Variants in TMEM255B observed in about 807,000 individuals in gnomAD.
TMEM255B encodes transmembrane protein 255B.
TMEM255B carries 35 observed loss-of-function variants against 34.5 expected under a neutral mutation model. That is an observed-to-expected ratio of 1.01 (90% CI 0.77 to 1.34). The LOEUF (loss-of-function observed/expected upper bound fraction) is 1.34, where lower values mean the gene tolerates loss of function less well. TMEM255B is among the 40% of genes most tolerant of loss of function. The probability of loss-of-function intolerance (pLI) is 0.00; values close to 1 mark genes in which losing one functional copy is unlikely to be tolerated. For synonymous variants in TMEM255B, 206 were observed against 201.2 expected (o/e 1.02, Z -0.20); for missense variants, 432 against 433.2 (o/e 1.00, Z 0.02).
At chr13:113,779,969 C>T (rs946463036) in intron 3 of TMEM255B, among the ~76,000 whole-genome samples, 1 of 152,172 alleles carries the variant, frequency 6.6e-6, no homozygotes, top group African/African-American at 2.4e-5. Flanking sequence ...GTATACAGTG[C>T]AGCAAGAATA....
At chr13:113,807,338 G>A (rs1162811512) in intron 8 of TMEM255B, among the ~76,000 whole-genome samples, 1 of 148,294 alleles carries the variant, frequency 6.7e-6, no homozygotes, top group Non-Finnish European at 1.5e-5. Flanking sequence ...TACGGGATGT[G>A]GGGGGCGGTC....
intron 2 of TMEM255B, 62 bp downstream of exon 2, chr13:113,766,319 G>A (rs753651524): frequency 3.1e-6 from 5 of 1,607,896 alleles, no homozygotes; most frequent in East Asian, 4.5e-5. Flanking sequence ...GCTCTCTCAG[G>A]GTGGAGTCCA....
At chr13:113,789,060 AC>A in intron 3 of TMEM255B, among the ~76,000 whole-genome samples, 1 of 150,034 alleles carries the variant, frequency 6.7e-6, no homozygotes, top group Non-Finnish European at 1.5e-5. Context: ...GACCACAGAG[AC>A]CCAGCCGCCC....
intron 3 of TMEM255B, among the ~76,000 whole-genome samples, chr13:113,780,008 G>T (rs1040937428): frequency 1.3e-5 from 2 of 152,152 alleles, no homozygotes; most frequent in African/African-American, 4.8e-5. Context: ...CTTTTAAATT[G>T]TCTTTGATGG....
At chr13:113,801,569 G>C in intron 6 of TMEM255B, 84 bp from the exon 7 acceptor site, 2 of 1,460,396 alleles carry the variant, frequency 1.4e-6, no homozygotes, top group Non-Finnish European at 1.8e-6. Flanking sequence ...CAGCCCTGCA[G>C]GGCTCAGGTC....
intron 3 of TMEM255B, among the ~76,000 whole-genome samples, chr13:113,771,237 G>T (rs908754679): frequency 1.3e-5 from 2 of 152,132 alleles, no homozygotes; most frequent in African/African-American, 4.8e-5. Context: ...AGGGAGTAAT[G>T]TGTGATATGT....
chr13:113,798,311 G>A (rs183980770), intron 4 of TMEM255B, among the ~76,000 whole-genome samples: 195 of 152,076 alleles, frequency 1.3e-3, no homozygotes, highest in African/African-American at 4.5e-3. Context: ...TGGACAGATG[G>A]AAGGATGGAA....
chr13:113,795,911 C>T (rs111174334), intron 4 of TMEM255B, among the ~76,000 whole-genome samples: 1 of 92,878 alleles, frequency 1.1e-5, no homozygotes, highest in Non-Finnish European at 2.4e-5. Flanking sequence ...ACACACAACA[C>T]AGCACACAGC....
chr13:113,793,762 C>T (rs995007001), intron 3 of TMEM255B, among the ~76,000 whole-genome samples: 1 of 152,252 alleles, frequency 6.6e-6, no homozygotes, highest in African/African-American at 2.4e-5. Context: ...GCTGCACTTT[C>T]CTCCGCAAAA....
At chr13:113,799,048 C>G (rs923792986) in intron 4 of TMEM255B, among the ~76,000 whole-genome samples, 2 of 152,208 alleles carry the variant, frequency 1.3e-5, no homozygotes, top group African/African-American at 4.8e-5. Flanking sequence ...CTCAAAAGGC[C>G]AAGCACCTGT....
chr13:113,769,497 A>G lies in TMEM255B; in HGVS notation c.252+337A>G. On this transcript the variant is annotated intron_variant, in intron 3 of 8. Coordinates refer to ENST00000375353, the MANE Select transcript of TMEM255B (RefSeq NM_182614.4). The surrounding 1 kb of genome is among the most constrained non-coding windows in gnomAD (Gnocchi z 4.2). ...AATTAAGTCCTAGTGTGTAAAGTTC[A>G]GGCAAAAACATGTGCATAAGCCTCT... 1 of 267,178 alleles carries G rather than the reference A, an allele frequency of 3.7e-6. No individual in the cohort carries two copies. Among genetic ancestry groups the G allele is most frequent in the Non-Finnish European group, 7.3e-6 (1 of 136,372 alleles). 16.6% of individuals were successfully genotyped at this position (267,178 alleles called of 1,614,324 possible).
intron 3 of TMEM255B, among the ~76,000 whole-genome samples, chr13:113,786,555 ACAT>A (rs1038245140): frequency 2.5e-4 from 38 of 150,548 alleles, no homozygotes; most frequent in East Asian, 1.2e-3. Flanking sequence ...ACCATCGTCA[ACAT>A]CATCACCGTC....
intron 1 of TMEM255B, among the ~76,000 whole-genome samples, chr13:113,759,614 T>G (rs181388310): frequency 6.6e-6 from 1 of 152,334 alleles, no homozygotes; most frequent in East Asian, 1.9e-4. Context: ...TTTCTCTGAC[T>G]CTGTGTCCGT....
At chr13:113,799,915 C>T (rs983543231) in intron 5 of TMEM255B, 6 of 1,267,232 alleles carry the variant, frequency 4.7e-6, no homozygotes, top group East Asian at 5.4e-5. Flanking sequence ...CTGTGTGTCT[C>T]GCACCTGCCC....
chr13:113,765,453 T>C (rs2050373310), intron 1 of TMEM255B, among the ~76,000 whole-genome samples: 1 of 152,214 alleles, frequency 6.6e-6, no homozygotes, highest in Non-Finnish European at 1.5e-5. Flanking sequence ...CTCTCCAGTG[T>C]GCGGTCTGCT....
In TMEM255B at chr13:113,811,725, G is replaced by A. The variant is rs764852772; in HGVS notation, c.814-11G>A. 6.2e-7 allele frequency: 1 copy of A among 1,613,220 alleles called. No individual in the cohort carries two copies. The highest frequency in any genetic ancestry group is 1.3e-5 in the African/African-American group (1 of 74,808). Reference sequence around the variant, plus strand: ...CACCTGCTAACCCAGGGCCCTCTCTGTTTATTGCAGCCCTGCAGCCGCTTC... The same window carrying A: ...CACCTGCTAACCCAGGGCCCTCTCTATTTATTGCAGCCCTGCAGCCGCTTC... On this transcript the variant is annotated splice_polypyrimidine_tract_variant and intron_variant, in intron 8 of 8. Transcript: ENST00000375353.
chr13:113,783,545 T>G (rs1320134526), intron 3 of TMEM255B, among the ~76,000 whole-genome samples: 1 of 152,194 alleles, frequency 6.6e-6, no homozygotes, highest in Non-Finnish European at 1.5e-5. Flanking sequence ...AGAGAAAGAT[T>G]CCAGGTGCTG....
In TMEM255B at chr13:113,811,745, C is replaced by T. The variant is rs747952896; in HGVS notation, c.823C>T (p.Arg275Cys). 108 of 1,613,562 alleles carry T rather than the reference C, an allele frequency of 6.7e-5. No individual in the cohort carries two copies. Among genetic ancestry groups the T allele is most frequent in the Non-Finnish European group, 8.6e-5 (101 of 1,179,824 alleles). ...TCTCTGTTTATTGCAGCCCTGCAGC[C>T]GCTTCCCAGTTGCGCCCTCCTCTGC... ...SYPLPLQPCSRFPVAPSSALA... is the reference protein window; with the variant it reads ...SYPLPLQPCSCFPVAPSSALA... The change falls in exon 9 of 9, where the codon CGC becomes TGC. Residue 275 changes from arginine (R) to cysteine (C), a missense_variant. By Grantham distance (180) the Arg-to-Cys change is radical. Coordinates refer to ENST00000375353, the MANE Select transcript of TMEM255B (RefSeq NM_182614.4).
intron 3 of TMEM255B, among the ~76,000 whole-genome samples, chr13:113,781,875 T>C (rs2050670554): frequency 6.6e-6 from 1 of 152,232 alleles, no homozygotes. Flanking sequence ...CCAGTTATTT[T>C]ACTTCAGGAC....
Sources: allele counts gnomAD v4.1 joint callset (sites outside exome capture counted in the v4.1 genomes callset), GRCh38; gene constraint gnomAD v4.1.1; non-coding constraint Gnocchi (gnomAD v3.1); transcripts MANE v1.5; gene names NCBI Gene and HGNC (gene_info 2026-07-23, HGNC 2026-07-21).